Variants in STXBP4 observed in about 807,000 individuals in gnomAD.
STXBP4 encodes the protein syntaxin-binding protein 4.
In STXBP4, 55 loss-of-function variants were observed where a neutral mutation model predicts 76.1. The ratio of observed to expected loss-of-function variants is 0.72; its 90% CI spans 0.58 to 0.91. The LOEUF (loss-of-function observed/expected upper bound fraction) is 0.91. Among genes scored for constraint, STXBP4 ranks in the 40% least tolerant of loss-of-function variants. The pLI, the probability that STXBP4 is intolerant of heterozygous loss-of-function variation, is 0.00. For missense variants in STXBP4, 618 were observed against 636.9 expected, an observed-to-expected ratio of 0.97 and a Z score of 0.32; for synonymous variants, 201 against 220.2, an observed-to-expected ratio of 0.91 and a Z score of 0.77.
At chr17:55,197,124 A>G in the STXBP4 span, among the ~76,000 whole-genome samples, 3 of 152,218 alleles carry the variant, frequency 2.0e-5, no homozygotes, top group Admixed American at 6.5e-5. Context: ...AGGCACCTCA[A>G]CGCTAAACAA....
intron 7 of STXBP4, among the ~76,000 whole-genome samples, chr17:55,004,182 CAAAA>C (rs1013198000): frequency 8.1e-6 from 1 of 122,984 alleles, no homozygotes; most frequent in Non-Finnish European, 1.7e-5. Context: ...GATGCCATCT[CAAAA>C]AAAAAAAAAG....
At position 55,163,095 on chromosome 17, in the gene STXBP4, A is replaced by G. The variant is rs1567788689; in HGVS notation, c.*3184A>G. ...AAGTTACATTCATTTTAATTTTGGTACATATCCATAAATTCTCCATAAAAG... is the reference window on the plus strand; with the variant it reads ...AAGTTACATTCATTTTAATTTTGGTGCATATCCATAAATTCTCCATAAAAG... On this transcript the variant is annotated 3_prime_UTR_variant, in exon 18 of 18. Coordinates refer to ENST00000376352, the MANE Select transcript of STXBP4 (RefSeq NM_178509.6). 6.6e-6 allele frequency: 1 copy of G among 152,168 alleles called. No individual in the cohort carries two copies. The highest frequency in any genetic ancestry group is 1.5e-5 in the Non-Finnish European group (1 of 68,028). The allele number at this position is 152,168 out of a possible 1,614,324, so 9.4% of individuals were successfully genotyped here.
At chr17:55,201,414 G>A in the STXBP4 span, among the ~76,000 whole-genome samples, 1 of 151,904 alleles carries the variant, frequency 6.6e-6, no homozygotes, top group African/African-American at 2.4e-5. Context: ...GCAGGGGAGA[G>A]GAGGGGAGGG....
At position 54,986,135 on chromosome 17, in the gene STXBP4, A is replaced by G. The variant is rs1449519412; in HGVS notation, c.-78-7A>G. The G allele has an allele frequency of 4.2e-6, 5 of 1,178,056 alleles. No homozygotes were observed. Among genetic ancestry groups the G allele is most frequent in the Admixed American group, 4.3e-5 (2 of 46,862 alleles). 73.0% of individuals were successfully genotyped at this position (1,178,056 alleles called of 1,614,324 possible). A position where few individuals can be genotyped will look rare whatever the true frequency, so the allele number is the denominator to read the frequency against. Reference sequence around the variant, plus strand: ...TGACAATTTATTTTCTACTTCTTCAATCCTAGGAAAAGAAGAATTTCTAGA... The same window carrying G: ...TGACAATTTATTTTCTACTTCTTCAGTCCTAGGAAAAGAAGAATTTCTAGA... On this transcript the variant is annotated splice_region_variant and splice_polypyrimidine_tract_variant and intron_variant, in intron 2 of 17. Transcript: ENST00000376352.
At chr17:55,104,709 C>T (rs1237520530) in intron 16 of STXBP4, among the ~76,000 whole-genome samples, 2 of 152,140 alleles carry the variant, frequency 1.3e-5, no homozygotes, top group South Asian at 4.1e-4. Flanking sequence ...ATGGTACCAG[C>T]TCCTCTTTGT....
chr17:55,046,263 G>A (rs2078786448), intron 11 of STXBP4, among the ~76,000 whole-genome samples: 1 of 151,884 alleles, frequency 6.6e-6, no homozygotes, highest in Admixed American at 6.6e-5. Flanking sequence ...CTGTGGCATA[G>A]TCATTAGATT....
At chr17:55,093,430 A>G (rs536296796) in intron 16 of STXBP4, among the ~76,000 whole-genome samples, 6 of 152,316 alleles carry the variant, frequency 3.9e-5, no homozygotes, top group African/African-American at 1.2e-4. Flanking sequence ...ATAATAGCTT[A>G]TTATATGATT....
At chr17:55,086,335 TAGTC>T (rs2079328372) in intron 16 of STXBP4, among the ~76,000 whole-genome samples, 1 of 152,184 alleles carries the variant, frequency 6.6e-6, no homozygotes, top group Non-Finnish European at 1.5e-5. Context: ...TAATATACAA[TAGTC>T]AGATAAGAGT....
intron 1 of STXBP4, among the ~76,000 whole-genome samples, chr17:54,973,893 T>C (rs2077433516): frequency 6.6e-6 from 1 of 152,230 alleles, no homozygotes; most frequent in Non-Finnish European, 1.5e-5. Flanking sequence ...TGTAAACTCT[T>C]TCTGGTTAGC....
chr17:55,179,381 G>T, the STXBP4 span, among the ~76,000 whole-genome samples: 1 of 152,152 alleles, frequency 6.6e-6, no homozygotes, highest in Non-Finnish European at 1.5e-5. Context: ...AGACCTGTGA[G>T]TATAGGTAAC....
intron 1 of STXBP4, among the ~76,000 whole-genome samples, chr17:54,982,026 A>G (rs921077336): frequency 2.6e-5 from 4 of 152,198 alleles, no homozygotes; most frequent in East Asian, 3.8e-4. Flanking sequence ...TAGTGGAGAA[A>G]ATTTAGAGTA....
chr17:55,131,575 A>G lies in STXBP4; in HGVS notation c.1490-9735A>G, dbSNP rs138826093. Among the ~76,000 whole-genome samples the G allele has an allele frequency of 3.8e-4, 58 of 152,326 alleles. 1 individual carries two copies. Among genetic ancestry groups the G allele is most frequent in the Admixed American group, 8.5e-4 (13 of 15,306 alleles). On this transcript the variant is annotated intron_variant, in intron 16 of 17. Transcript: ENST00000376352. ...ATTTTGAACTATCAGACATGCTGCTATTACTCTTAACCAGTGTAAATCAAG... is the reference window on the plus strand; with the variant it reads ...ATTTTGAACTATCAGACATGCTGCTGTTACTCTTAACCAGTGTAAATCAAG...
the STXBP4 span, among the ~76,000 whole-genome samples, chr17:55,188,941 C>G: frequency 6.6e-6 from 1 of 152,084 alleles, no homozygotes; most frequent in Non-Finnish European, 1.5e-5. Flanking sequence ...GTATTTCATT[C>G]TTTTTTTAGT....
chr17:54,992,178 C>T (rs1488999127), intron 4 of STXBP4, among the ~76,000 whole-genome samples: 1 of 151,954 alleles, frequency 6.6e-6, no homozygotes, highest in Non-Finnish European at 1.5e-5. Flanking sequence ...TTTGGGGAGG[C>T]AGAAGCAGGA....
At chr17:55,049,322 A>G (rs1365841324) in intron 12 of STXBP4, among the ~76,000 whole-genome samples, 1 of 151,962 alleles carries the variant, frequency 6.6e-6, no homozygotes, top group African/African-American at 2.4e-5. Context: ...TGAGAACTTC[A>G]TATATTTTAT....
intron 12 of STXBP4, among the ~76,000 whole-genome samples, chr17:55,058,617 C>T (rs1423782752): frequency 6.6e-6 from 1 of 152,118 alleles, no homozygotes. Flanking sequence ...TTGGTAGTGT[C>T]TCTTGCATGA....
chr17:55,113,751 C>G (rs532128123), intron 16 of STXBP4, among the ~76,000 whole-genome samples: 1 of 152,196 alleles, frequency 6.6e-6, no homozygotes, highest in South Asian at 2.1e-4. Flanking sequence ...TACATTTTGG[C>G]CTAATTACTT....
chr17:55,042,846 T>C (rs1258102274), intron 10 of STXBP4, among the ~76,000 whole-genome samples: 3 of 152,164 alleles, frequency 2.0e-5, no homozygotes, highest in East Asian at 1.9e-4. Context: ...TGATTTATAA[T>C]GTACAGCATT....
chr17:55,007,180 T>A lies in STXBP4; in HGVS notation c.575-326T>A, dbSNP rs553933547. ...TAGTGAAACCCTGTCTCTAACTAAA[T>A]ATACAAAAATTAGCCAGGCATGGTG... On this transcript the variant is annotated intron_variant, in intron 7 of 17. Transcript: ENST00000376352. Among the ~76,000 whole-genome samples, 44 of 151,356 alleles carry A rather than the reference T, an allele frequency of 2.9e-4. 1 individual carries two copies. The highest frequency in any genetic ancestry group is 6.8e-3 in the Middle Eastern group (2 of 294).
Sources: gnomAD v4.1 joint callset for allele counts (sites outside exome capture counted in the v4.1 genomes callset) on GRCh38, gnomAD v4.1.1 for gene constraint, MANE v1.5 for transcripts, NCBI Gene and HGNC (gene_info 2026-07-23, HGNC 2026-07-21) for gene names.